Variants in CSMD1 observed in about 807,000 individuals in gnomAD.
CSMD1 encodes the protein CUB and Sushi multiple domains 1.
In CSMD1, 213 loss-of-function variants were observed where a neutral mutation model predicts 417.5. The ratio of observed to expected loss-of-function variants is 0.51; its 90% CI spans 0.46 to 0.57. The LOEUF (loss-of-function observed/expected upper bound fraction) is 0.57. Ranked by LOEUF, CSMD1 falls within the 20% of genes least tolerant of loss-of-function variation. The pLI is 0.00. For missense variants in CSMD1, 6,923 were observed against 4,529.7 expected (o/e 1.53, Z -15.17); for synonymous variants, 2,862 against 1,736.8 (o/e 1.65, Z -16.11).
intron 2 of CSMD1, among the ~76,000 whole-genome samples, chr8:4,634,209 C>G (rs904831245): frequency 3.3e-5 from 5 of 151,734 alleles, no homozygotes; most frequent in Non-Finnish European, 5.9e-5. Context: ...AGAAATAATC[C>G]AAGATGATAA....
chr8:3,492,138 C>T (rs1563089458), intron 11 of CSMD1, among the ~76,000 whole-genome samples: 2 of 152,256 alleles, frequency 1.3e-5, no homozygotes, highest in East Asian at 3.9e-4. Flanking sequence ...AGATCTTTAA[C>T]CTATTGGGAC....
intron 3 of CSMD1, among the ~76,000 whole-genome samples, chr8:4,377,910 C>T (rs1031591014): frequency 6.6e-6 from 1 of 152,150 alleles, no homozygotes; most frequent in Non-Finnish European, 1.5e-5. Context: ...TTGTATAGTA[C>T]TTAAATTGGG....
intron 10 of CSMD1, among the ~76,000 whole-genome samples, chr8:3,574,391 C>A (rs879852120): frequency 2.0e-5 from 3 of 152,144 alleles, no homozygotes; most frequent in African/African-American, 4.8e-5. Context: ...CAGGTGCCTG[C>A]CACCAAGCCC....
chr8:4,790,514 G>A (rs559997414), intron 1 of CSMD1, among the ~76,000 whole-genome samples: 195 of 152,134 alleles, frequency 1.3e-3, no homozygotes, highest in African/African-American at 4.3e-3. Flanking sequence ...AAAAGAGACC[G>A]AAAAGCTAAG....
chr8:2,951,163 C>T lies in CSMD1; in HGVS notation c.10152G>A (p.Lys3384=). Residue 3384 remains lysine (K), a synonymous_variant, in exon 66 of 70, where the codon AAG becomes AAA. Transcript: ENST00000635120. The part of the protein sequence containing the change: ...TVDWFNATSS[K]VNATFSEASP... ...AGGCTTCGCTGAAGGTGGCATTCAC[C>T]TTACTGCTTGTTGCATTGAACCAGT... 6.2e-7 allele frequency: 1 copy of T among 1,613,670 alleles called. No homozygotes were observed. The highest frequency in any genetic ancestry group is 8.5e-7 in the Non-Finnish European group (1 of 1,179,694).
chr8:4,288,718 A>T (rs1164122900), intron 3 of CSMD1, among the ~76,000 whole-genome samples: 38 of 152,158 alleles, frequency 2.5e-4, no homozygotes, highest in Admixed American at 2.5e-3. Context: ...TTTTTAAGCA[A>T]ATCTATGATT....
chr8:4,357,372 G>A (rs565573261), intron 3 of CSMD1, among the ~76,000 whole-genome samples: 3 of 152,258 alleles, frequency 2.0e-5, no homozygotes, highest in East Asian at 1.9e-4. Flanking sequence ...TGAGCCCACT[G>A]TATTTCATCA....
At chr8:3,786,351 G>A (rs6991289) in intron 5 of CSMD1, among the ~76,000 whole-genome samples, 2,868 of 152,206 alleles carry the variant, frequency 0.019, 98 homozygotes, top group African/African-American at 0.064. Context: ...GAGACCACGG[G>A]CTTGGGTGAC....
intron 2 of CSMD1, among the ~76,000 whole-genome samples, chr8:4,597,929 C>T (rs1383329071): frequency 6.6e-6 from 1 of 151,778 alleles, no homozygotes; most frequent in Admixed American, 6.6e-5. Context: ...TATGGCTGCT[C>T]TTATAATAAA....
At chr8:4,253,902 T>A (rs1803257289) in intron 3 of CSMD1, among the ~76,000 whole-genome samples, 1 of 139,764 alleles carries the variant, frequency 7.2e-6, no homozygotes, top group African/African-American at 2.6e-5. Flanking sequence ...GTTATTTCCT[T>A]CCATCTTTTT....
At chr8:4,447,346 C>G (rs1798875225) in intron 2 of CSMD1, among the ~76,000 whole-genome samples, 1 of 152,114 alleles carries the variant, frequency 6.6e-6, no homozygotes, top group African/African-American at 2.4e-5. Flanking sequence ...ATTCAAAATG[C>G]TATACAAGTT....
chr8:3,685,245 A>T (rs1203888532), intron 7 of CSMD1, among the ~76,000 whole-genome samples: 1 of 152,220 alleles, frequency 6.6e-6, no homozygotes, highest in South Asian at 2.1e-4. Context: ...TGACTATAAA[A>T]TAAAGTTGCC....
intron 3 of CSMD1, among the ~76,000 whole-genome samples, chr8:4,147,582 C>A (rs555184300): frequency 3.3e-5 from 5 of 152,164 alleles, no homozygotes; most frequent in African/African-American, 1.2e-4. Context: ...ATGATAATGA[C>A]CCTAATAAAT....
rs141045162 is a variant in CSMD1, at chr8:3,802,973, C to A, written c.819-48931G>T. Among the ~76,000 whole-genome samples the A allele has an allele frequency of 1.9e-3, 289 of 152,196 alleles. 2 individuals carry two copies. Among genetic ancestry groups the A allele is most frequent in the African/African-American group, 6.4e-3 (267 of 41,542 alleles). ...ATAATCAGCCAAAAATGTTCATGAT[C>A]ATGTTGTAGGGTGAAATATTTATTA... On this transcript the variant is annotated intron_variant, in intron 5 of 69. Coordinates refer to ENST00000635120, the MANE Select transcript of CSMD1 (RefSeq NM_033225.6).
At chr8:3,240,250 T>A (rs6558744) in intron 26 of CSMD1, among the ~76,000 whole-genome samples, 99,218 of 151,730 alleles carry the variant, frequency 0.65, 33,028 homozygotes, top group South Asian at 0.79. Context: ...CAGGGAGAGC[T>A]AGGATGGGGG....
chr8:3,534,449 T>A (rs1223580924), intron 10 of CSMD1, among the ~76,000 whole-genome samples: 1 of 150,522 alleles, frequency 6.6e-6, no homozygotes, highest in Non-Finnish European at 1.5e-5. Flanking sequence ...TATCAGCATG[T>A]GAGGATCACA....
intron 5 of CSMD1, among the ~76,000 whole-genome samples, chr8:3,889,997 T>A (rs1806847189): frequency 6.6e-6 from 1 of 152,130 alleles, no homozygotes; most frequent in Admixed American, 6.5e-5. Context: ...ACCCTGGGAA[T>A]ATAGGGAGAT....
intron 5 of CSMD1, among the ~76,000 whole-genome samples, chr8:3,917,010 T>C (rs1038746319): frequency 9.9e-5 from 15 of 152,176 alleles, no homozygotes; most frequent in African/African-American, 2.7e-4. Context: ...CTATGAAGCA[T>C]TGTTGATACT....
chr8:4,889,841 G>A (rs80189006), intron 1 of CSMD1, among the ~76,000 whole-genome samples: 2,576 of 152,150 alleles, frequency 0.017, 27 homozygotes, highest in Middle Eastern at 0.034. Flanking sequence ...AGAATTGCTG[G>A]AGTTACTTTG....
Sources: allele counts gnomAD v4.1 joint callset (sites outside exome capture counted in the v4.1 genomes callset), GRCh38; gene constraint gnomAD v4.1.1; transcripts MANE v1.5; gene names NCBI Gene and HGNC (gene_info 2026-07-23, HGNC 2026-07-21).